CPLX4: variants seen among roughly 807,000 people sequenced by gnomAD.
The protein encoded by CPLX4 is complexin-4.
Under a neutral mutation model 16.1 loss-of-function variants are expected in CPLX4, and 17 were observed. The ratio of observed to expected loss-of-function variants is 1.06; its 90% CI spans 0.72 to 1.59. CPLX4 has a LOEUF of 1.59. CPLX4 is among the 40% of genes most tolerant of loss of function. The pLI, the probability that CPLX4 is intolerant of heterozygous loss-of-function variation, is 0.00. For missense variants in CPLX4, 193 were observed against 192.9 expected (o/e 1.00, Z 0.00); for synonymous variants, 55 against 57.8 (o/e 0.95, Z 0.22).
chr18:59,318,214 A>T (rs2070663583), intron 1 of CPLX4, 82 bp downstream of exon 1: 1 of 1,465,334 alleles, frequency 6.8e-7, no homozygotes, highest in Non-Finnish European at 9.0e-7. Flanking sequence ...AAGCAAAGAG[A>T]AATAAACTGG....
intron 1 of CPLX4, among the ~76,000 whole-genome samples, chr18:59,316,732 A>G (rs1487313247): frequency 6.6e-6 from 1 of 152,176 alleles, no homozygotes; most frequent in Non-Finnish European, 1.5e-5. Context: ...ATCTGTCCAG[A>G]TATAAAATTA....
rs1483601525 is a variant in CPLX4, at chr18:59,318,499, C to A, written c.-37G>T. Reference sequence around the variant, plus strand: ...CAGAAAAATAAAACCAAAATTCAGACAAAAGCTGAAAAAAAAAATCCAAAC... The same window carrying A: ...CAGAAAAATAAAACCAAAATTCAGAAAAAAGCTGAAAAAAAAAATCCAAAC... On this transcript the variant is annotated 5_prime_UTR_variant, in exon 1 of 3. Transcript: ENST00000299721. 3 of 1,561,940 alleles carry A rather than the reference C, an allele frequency of 1.9e-6. No individual in the cohort carries two copies. The highest frequency in any genetic ancestry group is 2.6e-6 in the Non-Finnish European group (3 of 1,160,762).
In CPLX4 at chr18:59,296,582, A is replaced by C; in HGVS notation, c.*116T>G. On this transcript the variant is annotated 3_prime_UTR_variant, in exon 3 of 3. Coordinates refer to ENST00000299721, the MANE Select transcript of CPLX4 (RefSeq NM_181654.4). Reference sequence around the variant, plus strand: ...CCAAATTATTGTCTGTCAATGGATCATCGTGGTTTTCCTAACTGTGTTCAC... The same window carrying C: ...CCAAATTATTGTCTGTCAATGGATCCTCGTGGTTTTCCTAACTGTGTTCAC... 6.6e-6 allele frequency: 7 copies of C among 1,055,048 alleles called. No homozygotes were observed. Among genetic ancestry groups the C allele is most frequent in the Non-Finnish European group, 9.8e-6 (7 of 715,820 alleles). 65.4% of individuals were successfully genotyped at this position (1,055,048 alleles called of 1,614,324 possible).
chr18:59,312,070 T>A (rs2070620430), intron 2 of CPLX4, among the ~76,000 whole-genome samples: 1 of 152,188 alleles, frequency 6.6e-6, no homozygotes, highest in South Asian at 2.1e-4. Context: ...ACTTTCTTCA[T>A]GCCTGTGTTT....
At chr18:59,311,981 A>G (rs2070619914) in intron 2 of CPLX4, among the ~76,000 whole-genome samples, 1 of 152,176 alleles carries the variant, frequency 6.6e-6, no homozygotes, top group Non-Finnish European at 1.5e-5. Flanking sequence ...TTCCTTTTAA[A>G]TAGAGGTGGA....
At chr18:59,306,998 G>A (rs151147584) in intron 2 of CPLX4, among the ~76,000 whole-genome samples, 8 of 152,300 alleles carry the variant, frequency 5.3e-5, no homozygotes, top group African/African-American at 1.7e-4. Context: ...GGGAGGGGAC[G>A]GTTATTAGGA....
chr18:59,312,855 G>A, intron 1 of CPLX4, 83 bp from the exon 2 acceptor site: 1 of 731,778 alleles, frequency 1.4e-6, no homozygotes, highest in Non-Finnish European at 2.4e-6. Context: ...CAGACACAGG[G>A]TTACACCTTC....
At chr18:59,317,867 T>C (rs2070661407) in intron 1 of CPLX4, among the ~76,000 whole-genome samples, 1 of 151,788 alleles carries the variant, frequency 6.6e-6, no homozygotes, top group African/African-American at 2.4e-5. Flanking sequence ...CTGCCCTCTA[T>C]GTTATTTTAG....
chr18:59,314,400 G>C (rs2070638731), intron 1 of CPLX4, among the ~76,000 whole-genome samples: 1 of 151,014 alleles, frequency 6.6e-6, no homozygotes, highest in Admixed American at 6.6e-5. Context: ...TTACTTTTTT[G>C]ATACATTTCG....
At chr18:59,316,693 A>G (rs1418524569) in intron 1 of CPLX4, among the ~76,000 whole-genome samples, 2 of 152,132 alleles carry the variant, frequency 1.3e-5, no homozygotes, top group Admixed American at 6.6e-5. Flanking sequence ...CTGCTGATTG[A>G]CTGTATGATT....
chr18:59,303,646 G>T (rs184885230), intron 2 of CPLX4, among the ~76,000 whole-genome samples: 50 of 152,238 alleles, frequency 3.3e-4, no homozygotes, highest in African/African-American at 1.1e-3. Flanking sequence ...CTGAGCAGGC[G>T]TTCTCATCTG....
chr18:59,316,042 C>T (rs1267306432), intron 1 of CPLX4, among the ~76,000 whole-genome samples: 1 of 152,180 alleles, frequency 6.6e-6, no homozygotes, highest in Non-Finnish European at 1.5e-5. Flanking sequence ...ATGCTATGCT[C>T]ATACTAGGGG....
rs2070665208 is a variant in CPLX4, at chr18:59,318,394, T to C, written c.69A>G (p.Glu23=). The stretch of plus-strand genomic sequence containing the variant: ...ATGCACCTCCTTCTTCTTTATTTTC[T>C]TCAGACCCACCACCAAATCCTAAAT... ...VKNLGFGGGS[E]ENKEEGGASD... is the part of the protein sequence containing the mutation. The change falls in exon 1 of 3, where the codon GAA becomes GAG. Residue 23 remains glutamate (E), a synonymous_variant. Transcript: ENST00000299721. 7 of 1,613,780 alleles carry C rather than the reference T, an allele frequency of 4.3e-6. No individual in the cohort carries two copies. The highest frequency in any genetic ancestry group is 1.3e-5 in the African/African-American group (1 of 74,896).
intron 2 of CPLX4, among the ~76,000 whole-genome samples, chr18:59,297,261 G>A (rs1481682011): frequency 6.6e-6 from 1 of 151,736 alleles, no homozygotes; most frequent in Non-Finnish European, 1.5e-5. Flanking sequence ...TCTGGAGATG[G>A]AGCCCAGCCA....
intron 2 of CPLX4, among the ~76,000 whole-genome samples, chr18:59,311,046 AGCAGAGGCCAGGGGCTTCAGC>A (rs1195042666): frequency 1.3e-5 from 2 of 151,534 alleles, no homozygotes; most frequent in African/African-American, 2.4e-5. Flanking sequence ...ATGGCCCAAG[AGCAGAGGCCAGGGGCTTCAGC>A]GCAGTAGCAT....
rs985227766 is a variant in CPLX4, at chr18:59,296,511, G to A, written c.*187C>T. 3.5e-5 allele frequency: 22 copies of A among 635,560 alleles called. No homozygotes were observed. Among genetic ancestry groups the A allele is most frequent in the Non-Finnish European group, 5.1e-5 (19 of 368,982 alleles). 39.4% of individuals were successfully genotyped at this position (635,560 alleles called of 1,614,324 possible). A position where few individuals can be genotyped will look rare whatever the true frequency, so the allele number is the denominator to read the frequency against. The stretch of plus-strand genomic sequence containing the variant: ...TAACTAAAAGGAAAGTAAGGTTCCC[G>A]CTGCAAGGTGTTAGCTAAATGCTCT... On this transcript the variant is annotated 3_prime_UTR_variant, in exon 3 of 3. Coordinates refer to ENST00000299721, the MANE Select transcript of CPLX4 (RefSeq NM_181654.4).
intron 1 of CPLX4, among the ~76,000 whole-genome samples, chr18:59,316,257 GCA>G (rs61529866): frequency 1.3e-5 from 2 of 151,032 alleles, no homozygotes; most frequent in African/African-American, 2.4e-5. Context: ...TGGTGCGTGC[GCA>G]CACACACACA....
Position 59,314,409 on chromosome 18 carries a change from C to T in CPLX4, c.168-1637G>A, listed in dbSNP as rs1018642714. Among the ~76,000 whole-genome samples the T allele has an allele frequency of 1.1e-4, 16 of 152,054 alleles. No homozygotes were observed. In the East Asian group the frequency reaches 1.9e-3, roughly 18 times the overall value. ...CACATTTTACTTTTTTGATACATTT[C>T]GAAGTTGCAGAAATCAGTAACATTT... On this transcript the variant is annotated intron_variant, in intron 1 of 2. Coordinates refer to ENST00000299721, the MANE Select transcript of CPLX4 (RefSeq NM_181654.4).
At chr18:59,310,964 G>GTGTC (rs1483204999) in intron 2 of CPLX4, among the ~76,000 whole-genome samples, 1 of 135,780 alleles carries the variant, frequency 7.4e-6, no homozygotes, top group Non-Finnish European at 1.8e-5. Flanking sequence ...GTGTGTGTGT[G>GTGTC]TGTGTGTGTG....
Sources: allele counts gnomAD v4.1 joint callset (sites outside exome capture counted in the v4.1 genomes callset), GRCh38; gene constraint gnomAD v4.1.1; transcripts MANE v1.5; gene names NCBI Gene and HGNC (gene_info 2026-07-23, HGNC 2026-07-21).